The following SP4 variants were observed in gnomAD, a reference collection of about 807,000 sequenced individuals.
SP4 encodes the protein transcription factor Sp4.
Under a neutral mutation model 72.8 loss-of-function variants are expected in SP4, and 19 were observed. That is an observed-to-expected ratio of 0.26 (90% CI 0.18 to 0.38). The LOEUF (loss-of-function observed/expected upper bound fraction) is 0.38. Ranked by LOEUF, SP4 falls within the 10% of genes least tolerant of loss-of-function variation. The pLI, the probability that SP4 is intolerant of heterozygous loss-of-function variation, is 1.00. For synonymous variants in SP4, 395 were observed against 333.1 expected, an observed-to-expected ratio of 1.19 and a Z score of -2.02; for missense variants, 1,008 against 926.3, an observed-to-expected ratio of 1.09 and a Z score of -1.14.
intron 3 of SP4, among the ~76,000 whole-genome samples, chr7:21,435,236 C>A (rs571693987): frequency 1.3e-5 from 2 of 152,268 alleles, no homozygotes; most frequent in African/African-American, 4.8e-5. Context: ...GGTTCTCCCA[C>A]AGAGGAAGTT....
chr7:21,453,991 CA>C (rs1342477900), intron 3 of SP4, among the ~76,000 whole-genome samples: 6 of 152,092 alleles, frequency 3.9e-5, no homozygotes, highest in Non-Finnish European at 8.8e-5. Flanking sequence ...GATATTTTAC[CA>C]AAAGTACATT....
chr7:21,465,769 G>A (rs1225401045), intron 3 of SP4, among the ~76,000 whole-genome samples: 2 of 152,166 alleles, frequency 1.3e-5, no homozygotes, highest in Middle Eastern at 3.4e-3. Flanking sequence ...GGGCTGAGGC[G>A]GGATGATTGC....
intron 5 of SP4, among the ~76,000 whole-genome samples, chr7:21,510,397 G>T (rs1235835859): frequency 6.6e-6 from 1 of 152,044 alleles, no homozygotes; most frequent in Non-Finnish European, 1.5e-5. Context: ...CCAAAACAAA[G>T]AAGTCGGTCC....
At chr7:21,487,884 C>T (rs900134236) in intron 5 of SP4, among the ~76,000 whole-genome samples, 2 of 151,634 alleles carry the variant, frequency 1.3e-5, no homozygotes, top group Admixed American at 1.3e-4. Context: ...TTTTTTGAGA[C>T]AGGGTCTCTG....
intron 3 of SP4, among the ~76,000 whole-genome samples, chr7:21,451,386 C>T (rs372986453): frequency 7.2e-5 from 11 of 152,098 alleles, no homozygotes; most frequent in Non-Finnish European, 1.3e-4. Flanking sequence ...TTCTTGGTTG[C>T]GGGGTTAGGG....
At chr7:21,485,326 T>G (rs1179681969) in intron 5 of SP4, among the ~76,000 whole-genome samples, 2 of 151,984 alleles carry the variant, frequency 1.3e-5, no homozygotes, top group Non-Finnish European at 2.9e-5. Flanking sequence ...GTGATCTGTT[T>G]GCTTTTTAAA....
At chr7:21,491,607 C>G (rs933278980) in intron 5 of SP4, among the ~76,000 whole-genome samples, 2 of 152,102 alleles carry the variant, frequency 1.3e-5, no homozygotes, top group Admixed American at 1.3e-4. Flanking sequence ...TGTAATCAAT[C>G]TGCTGTAAAT....
At chr7:21,451,843 G>A (rs1180932231) in intron 3 of SP4, among the ~76,000 whole-genome samples, 2 of 152,140 alleles carry the variant, frequency 1.3e-5, no homozygotes, top group Non-Finnish European at 2.9e-5. Context: ...AGGGGATGAG[G>A]ACAGATTAAA....
intron 5 of SP4, among the ~76,000 whole-genome samples, chr7:21,485,618 A>G (rs542198303): frequency 8.5e-4 from 129 of 151,976 alleles, no homozygotes; most frequent in Non-Finnish European, 1.7e-3. Context: ...TTCACTTTGC[A>G]CCATCTGAAG....
intron 5 of SP4, among the ~76,000 whole-genome samples, chr7:21,494,739 C>G (rs550702584): frequency 6.6e-6 from 1 of 152,286 alleles, no homozygotes; most frequent in Admixed American, 6.5e-5. Context: ...TAATCCTTCT[C>G]ATAATTCCAG....
At chr7:21,461,781 A>G (rs946358897) in intron 3 of SP4, among the ~76,000 whole-genome samples, 2 of 152,172 alleles carry the variant, frequency 1.3e-5, no homozygotes, top group Admixed American at 6.5e-5. Flanking sequence ...CAGGGCTGCC[A>G]GCACGCTGTC....
intron 3 of SP4, among the ~76,000 whole-genome samples, chr7:21,435,818 GTAGA>G (rs1478681636): frequency 7.9e-5 from 12 of 151,032 alleles, no homozygotes; most frequent in African/African-American, 2.9e-4. Flanking sequence ...AGTACTCAAA[GTAGA>G]GCCACATTAA....
At chr7:21,489,866 G>A (rs1307365911) in intron 5 of SP4, among the ~76,000 whole-genome samples, 4 of 151,810 alleles carry the variant, frequency 2.6e-5, no homozygotes, top group Non-Finnish European at 4.4e-5. Context: ...CCCCAGGCTG[G>A]CGTTAAACTC....
rs115096650 is a variant in SP4, at chr7:21,442,488, C to T, written c.1678+11645C>T. On this transcript the variant is annotated intron_variant, in intron 3 of 5. Coordinates refer to ENST00000222584, the MANE Select transcript of SP4 (RefSeq NM_003112.5). ...TCATCTAATATCTATATATGTCATA[C>T]ATATAGCTAATTAAATTACTTTGTG... Among the ~76,000 whole-genome samples, 630 of 152,242 alleles carry T rather than the reference C, an allele frequency of 4.1e-3. 3 individuals are homozygous for T. The highest frequency in any genetic ancestry group is 0.015 in the African/African-American group (603 of 41,532).
Position 21,430,202 on chromosome 7 carries a change from A to G in SP4, c.1037A>G (p.Gln346Arg). ...TTAGTGAGCTCAGCAGATACTGGCC[A>G]GTATGCAAGCACATCAGCCAGTAGT... ...DTLVSSADTG[Q>R]YASTSASSSE... The change falls in exon 3 of 6, where the codon CAG becomes CGG. Residue 346 changes from glutamine (Q) to arginine (R), a missense_variant. Transcript: ENST00000222584. The G allele has an allele frequency of 2.5e-6, 4 of 1,614,254 alleles. No homozygotes were observed. Among genetic ancestry groups the G allele is most frequent in the Non-Finnish European group, 2.5e-6 (3 of 1,180,044 alleles).
chr7:21,498,042 T>G (rs1330078645), intron 5 of SP4, among the ~76,000 whole-genome samples: 1 of 152,030 alleles, frequency 6.6e-6, no homozygotes, highest in East Asian at 1.9e-4. Flanking sequence ...CTCGCCTTAC[T>G]CTCAGTTTTC....
At chr7:21,443,494 ATAT>A (rs376817370) in intron 3 of SP4, among the ~76,000 whole-genome samples, 1,577 of 152,312 alleles carry the variant, frequency 0.01, 32 homozygotes, top group African/African-American at 0.036. Flanking sequence ...TGTCCCTCTG[ATAT>A]TATTATGTAG....
At position 21,514,254 on chromosome 7, in the gene SP4, T is replaced by A. The variant is rs1583457190; in HGVS notation, c.*2985T>A. 6.5e-6 allele frequency: 1 copy of A among 152,734 alleles called. No homozygotes were observed. Among genetic ancestry groups the A allele is most frequent in the East Asian group, 1.9e-4 (1 of 5,192 alleles). The allele number at this position is 152,734 out of a possible 1,614,324, so 9.5% of individuals were successfully genotyped here. ...TAATCTAGGAGAAAAAGTTAATTTG[T>A]CAAACTTAGATAAGCATGATGTTTA... On this transcript the variant is annotated 3_prime_UTR_variant, in exon 6 of 6. Coordinates refer to ENST00000222584, the MANE Select transcript of SP4 (RefSeq NM_003112.5).
intron 3 of SP4, among the ~76,000 whole-genome samples, chr7:21,458,384 A>G (rs1315216533): frequency 1.3e-5 from 2 of 152,256 alleles, no homozygotes; most frequent in Admixed American, 1.3e-4. Flanking sequence ...AGGTTTCACC[A>G]TGTTGGCCAG....
Sources: allele counts gnomAD v4.1 joint callset (sites outside exome capture counted in the v4.1 genomes callset), GRCh38; gene constraint gnomAD v4.1.1; transcripts MANE v1.5; gene names NCBI Gene and HGNC (gene_info 2026-07-23, HGNC 2026-07-21).